Variants in SLC4A3 observed in about 807,000 individuals in gnomAD.
The protein encoded by SLC4A3 is anion exchange protein 3.
SLC4A3 carries 47 observed loss-of-function variants against 114.2 expected under a neutral mutation model. That is an observed-to-expected ratio of 0.41 (90% CI 0.33 to 0.52). SLC4A3 has a LOEUF of 0.52. Among genes scored for constraint, SLC4A3 ranks in the 20% least tolerant of loss-of-function variants. The pLI is 0.21. For missense variants in SLC4A3, 1,312 were observed against 1,668.3 expected (o/e 0.79, Z 3.72); for synonymous variants, 693 against 710.3 (o/e 0.98, Z 0.39).
chr2:219,639,478 G>T lies in SLC4A3; in HGVS notation c.3024-4G>T. The T allele has an allele frequency of 6.2e-7, 1 of 1,611,302 alleles. No individual in the cohort carries two copies. The highest frequency in any genetic ancestry group is 8.5e-7 in the Non-Finnish European group (1 of 1,178,866). The stretch of plus-strand genomic sequence containing the variant: ...ACACCCCGCTCCCCACCTTCTCCCT[G>T]CAGGCTTATCGTCAGCCAGAAGGCG... On this transcript the variant is annotated splice_polypyrimidine_tract_variant and splice_region_variant and intron_variant, in intron 19 of 22. Coordinates refer to ENST00000358055, the MANE Select transcript of SLC4A3 (RefSeq NM_005070.4). This position sits in a 1 kb window ranked among gnomAD's most constrained non-coding sequence, Gnocchi z 5.9.
chr2:219,628,631 A>G lies in SLC4A3; in HGVS notation c.217+61A>G, dbSNP rs1025278799. 2.6e-6 allele frequency: 4 copies of G among 1,547,358 alleles called. No individual in the cohort carries two copies. In the African/African-American group the frequency reaches 4.1e-5, roughly 16 times the overall value. On this transcript the variant is annotated intron_variant, in intron 3 of 22. Transcript: ENST00000358055. The surrounding 1 kb of genome is among the most constrained non-coding windows in gnomAD (Gnocchi z 4.8). ...CGCCACCATCACCTTCATCGCCACC[A>G]TCACCGCGCTCACCTCCGGCTTGGT...
At position 219,635,420 on chromosome 2, in the gene SLC4A3, G is replaced by C; in HGVS notation, c.1896G>C (p.Leu632=). ...CCGTGGCTGCTTTCCAGCGAGAGCT[G>C]CTTAGGAAGCGGCGAGAGCGTGAAC... is the stretch of plus-strand genomic sequence containing the variant. ...LRSVAAFQRE[L]LRKRREREQT... Residue 632 remains leucine (L), a synonymous_variant, in exon 13 of 23, where the codon CTG becomes CTC. Coordinates refer to ENST00000358055, the MANE Select transcript of SLC4A3 (RefSeq NM_005070.4). 6.2e-7 allele frequency: 1 copy of C among 1,614,164 alleles called. No individual in the cohort carries two copies.
intron 20 of SLC4A3, 147 bp from the exon 21 acceptor site, chr2:219,640,283 C>T: frequency 2.2e-6 from 1 of 459,776 alleles, no homozygotes; most frequent in South Asian, 2.4e-5. Context: ...TTGATTGGTC[C>T]AGTGGGTCCA....
intron 10 of SLC4A3, 140 bp from the exon 11 acceptor site, chr2:219,633,740 C>A: frequency 7.6e-7 from 1 of 1,322,790 alleles, no homozygotes; most frequent in Non-Finnish European, 1.0e-6. Flanking sequence ...TGGTGGCTCC[C>A]AGTGTGGGGC....
chr2:219,640,742 AG>A (rs748065352), intron 21 of SLC4A3, 46 bp from the exon 22 acceptor site: 9 of 1,590,296 alleles, frequency 5.7e-6, no homozygotes, highest in Middle Eastern at 2.0e-4. Context: ...GGTGGGTGGG[AG>A]CAGGCCGGGA....
rs543382342 is a variant in SLC4A3, at chr2:219,637,924, G to A, written c.2766+113G>A. The A allele has an allele frequency of 8.4e-5, 72 of 855,466 alleles. 1 individual carries two copies. The African/African-American group carries it at 1.1e-3, about 12-fold the overall frequency. The allele number at this position is 855,466 out of a possible 1,614,324, so 53.0% of individuals were successfully genotyped here. A position where few individuals can be genotyped will look rare whatever the true frequency, so the allele number is the denominator to read the frequency against. On this transcript the variant is annotated intron_variant, in intron 17 of 22. Coordinates refer to ENST00000358055, the MANE Select transcript of SLC4A3 (RefSeq NM_005070.4). The surrounding 1 kb of genome is among the most constrained non-coding windows in gnomAD (Gnocchi z 4.6). ...CAGCCCATGGACCAAAACCCAGCTC[G>A]GGCAGCCCCTCACCCCTTCGGAAGC...
Position 219,640,427 on chromosome 2 carries a change from C to T in SLC4A3, c.3278-3C>T. The T allele has an allele frequency of 3.1e-6, 5 of 1,611,764 alleles. No individual in the cohort carries two copies. The highest frequency in any genetic ancestry group is 4.2e-6 in the Non-Finnish European group (5 of 1,178,576). On this transcript the variant is annotated splice_polypyrimidine_tract_variant and splice_region_variant and intron_variant, in intron 20 of 22. Transcript: ENST00000358055. Reference sequence around the variant, plus strand: ...TCAGGCGGGTCTGTGTCACCTCCTCCAGGCCTGTCCATCGTCATGGGGGCT... The same window carrying T: ...TCAGGCGGGTCTGTGTCACCTCCTCTAGGCCTGTCCATCGTCATGGGGGCT...
At chr2:219,627,836 G>T in intron 1 of SLC4A3, 64 bp from the exon 2 acceptor site, 2 of 586,094 alleles carry the variant, frequency 3.4e-6, no homozygotes, top group South Asian at 2.2e-5. Context: ...GGCCGGGAGC[G>T]TGCATCCGGC....
At position 219,641,681 on chromosome 2, in the gene SLC4A3, G is replaced by A. The variant is rs1699332143; in HGVS notation, c.3652G>A (p.Asp1218Asn). Reference sequence around the variant, plus strand: ...CTCGGAAGATGCTGAACCAAACTTCGATGAGGATGGCCAGGATGAGTACAA... The same window carrying A: ...CTCGGAAGATGCTGAACCAAACTTCAATGAGGATGGCCAGGATGAGTACAA... ...LDSEDAEPNF[D>N]EDGQDEYNEL... Residue 1218 changes from aspartate to asparagine, a missense_variant, in exon 23 of 23, where the codon GAT becomes AAT. Transcript: ENST00000358055. The surrounding 1 kb of genome is among the most constrained non-coding windows in gnomAD (Gnocchi z 4.0). 3.1e-6 allele frequency: 5 copies of A among 1,614,126 alleles called. No homozygotes were observed. The highest frequency in any genetic ancestry group is 4.2e-6 in the Non-Finnish European group (5 of 1,180,008).
At position 219,636,158 on chromosome 2, in the gene SLC4A3, G is replaced by A. The variant is rs1699109993; in HGVS notation, c.2192-144G>A. On this transcript the variant is annotated intron_variant, in intron 14 of 22. Coordinates refer to ENST00000358055, the MANE Select transcript of SLC4A3 (RefSeq NM_005070.4). The surrounding 1 kb of genome is among the most constrained non-coding windows in gnomAD (Gnocchi z 5.5). ...GGGGGCTAGTGGGGAGGGTTTGGGAGCAATGGGGTATGGAAGGGGCCCTGT... is the reference window on the plus strand; with the variant it reads ...GGGGGCTAGTGGGGAGGGTTTGGGAACAATGGGGTATGGAAGGGGCCCTGT... 1 of 944,338 alleles carries A rather than the reference G, an allele frequency of 1.1e-6. No homozygotes were observed. The highest frequency in any genetic ancestry group is 1.6e-6 in the Non-Finnish European group (1 of 614,988). The allele number at this position is 944,338 out of a possible 1,614,324, so 58.5% of individuals were successfully genotyped here. A position where few individuals can be genotyped will look rare whatever the true frequency, so the allele number is the denominator to read the frequency against.
chr2:219,631,869 A>T lies in SLC4A3; in HGVS notation c.812-99A>T. 7.8e-7 allele frequency: 1 copy of T among 1,287,936 alleles called. No homozygotes were observed. Among genetic ancestry groups the T allele is most frequent in the Non-Finnish European group, 1.1e-6 (1 of 927,256 alleles). 79.8% of individuals were successfully genotyped at this position (1,287,936 alleles called of 1,614,324 possible). A position where few individuals can be genotyped will look rare whatever the true frequency, so the allele number is the denominator to read the frequency against. On this transcript the variant is annotated intron_variant, in intron 6 of 22. Transcript: ENST00000358055. The surrounding 1 kb of genome is among the most constrained non-coding windows in gnomAD (Gnocchi z 6.3). The stretch of plus-strand genomic sequence containing the variant: ...GTCGGCATGGCCTGTTGGTGACTGT[A>T]GAGCTCACCAAGTAGATGGGTTGGG...
chr2:219,630,938 A>C lies in SLC4A3; in HGVS notation c.811+586A>C. 6.0e-6 allele frequency: 1 copy of C among 167,210 alleles called. No homozygotes were observed. Among genetic ancestry groups the C allele is most frequent in the Non-Finnish European group, 1.2e-5 (1 of 82,650 alleles). 10.4% of individuals were successfully genotyped at this position (167,210 alleles called of 1,614,324 possible). ...CACAGTGTGTGGGTGGGGTGGGGGG[A>C]AGGGTAGGGCTTTGAGCTCAATACG... On this transcript the variant is annotated intron_variant, in intron 6 of 22. Transcript: ENST00000358055. This position sits in a 1 kb window ranked among gnomAD's most constrained non-coding sequence, Gnocchi z 6.9.
At chr2:219,634,119 A>G (rs1699036990) in intron 11 of SLC4A3, 140 bp downstream of exon 11, 1 of 1,052,494 alleles carries the variant, frequency 9.5e-7, no homozygotes. Flanking sequence ...TCTTCCTCAC[A>G]ACCTGTCTTA....
At position 219,632,082 on chromosome 2, in the gene SLC4A3, A is replaced by G; in HGVS notation, c.926A>G (p.Lys309Arg). 1 of 1,613,770 alleles carries G rather than the reference A, an allele frequency of 6.2e-7. No individual in the cohort carries two copies. The highest frequency in any genetic ancestry group is 8.5e-7 in the Non-Finnish European group (1 of 1,179,952). The change falls in exon 7 of 23, where the codon AAG (lysine) becomes AGG (arginine). Residue 309 changes from lysine (K) to arginine (R), a missense_variant. Physicochemically the swap from Lys to Arg is conservative, Grantham distance 26. Transcript: ENST00000358055. ...SGLAPILRRK[K>R]KKKKLDRRPH... ...CTGGCCCCCATCCTTCGCAGGAAGA[A>G]GAAGAAGAAAAAGCTGGACCGGAGG...
At position 219,636,618 on chromosome 2, in the gene SLC4A3, A is replaced by T; in HGVS notation, c.2341-62A>T. 1 of 1,518,350 alleles carries T rather than the reference A, an allele frequency of 6.6e-7. No homozygotes were observed. 94.1% of individuals were successfully genotyped at this position (1,518,350 alleles called of 1,614,324 possible). A position where few individuals can be genotyped will look rare whatever the true frequency, so the allele number is the denominator to read the frequency against. On this transcript the variant is annotated intron_variant, in intron 15 of 22. Transcript: ENST00000358055. This position sits in a 1 kb window ranked among gnomAD's most constrained non-coding sequence, Gnocchi z 5.5. Reference sequence around the variant, plus strand: ...TCGGAGTTCATCCGCTGCCTATTCCAGGGGGCATTGACACCCAGGGCAGTC... The same window carrying T: ...TCGGAGTTCATCCGCTGCCTATTCCTGGGGGCATTGACACCCAGGGCAGTC...
intron 9 of SLC4A3, 119 bp from the exon 10 acceptor site, chr2:219,633,155 T>C (rs768092941): frequency 3.8e-5 from 52 of 1,384,134 alleles, no homozygotes; most frequent in Admixed American, 8.3e-5. Context: ...TCAATCATTA[T>C]AAAGTTTCTT....
In SLC4A3 at chr2:219,631,275, G is replaced by T. The variant is rs945795759; in HGVS notation, c.812-693G>T. The T allele has an allele frequency of 2.5e-5, 32 of 1,294,324 alleles. No individual in the cohort carries two copies. In the Admixed American group the frequency reaches 2.8e-4, roughly 11 times the overall value. 80.2% of individuals were successfully genotyped at this position (1,294,324 alleles called of 1,614,324 possible). ...ACTGGAGAAGGACCCTGAGCCCAATGGGGCACTGAGCCCTGGGCCTGGGGA... is the reference window on the plus strand; with the variant it reads ...ACTGGAGAAGGACCCTGAGCCCAATTGGGCACTGAGCCCTGGGCCTGGGGA... On this transcript the variant is annotated intron_variant, in intron 6 of 22. Transcript: ENST00000358055. The surrounding 1 kb of genome is among the most constrained non-coding windows in gnomAD (Gnocchi z 6.3).
At position 219,629,242 on chromosome 2, in the gene SLC4A3, A is replaced by G. The variant is rs1229926437; in HGVS notation, c.316A>G (p.Thr106Ala). ...GCTGCCCCCCACCTCTGCCCGGCAC[A>G]CCAGGAGAAAGAGGAAGAAGGAGAA... is the stretch of plus-strand genomic sequence containing the variant. ...RRLPPTSARH[T>A]RRKRKKEKTS... The change falls in exon 4 of 23, where the codon ACC becomes GCC. Residue 106 changes from threonine (T) to alanine (A), a missense_variant. Physicochemically the swap from Thr to Ala is moderately conservative, Grantham distance 58 (BLOSUM62 0). Around this residue, in one of 4 missense-constraint regions of SLC4A3, gnomAD observed 236 missense variants for 212.1 expected, o/e 1.11. Coordinates refer to ENST00000358055, the MANE Select transcript of SLC4A3 (RefSeq NM_005070.4). 2 of 1,613,606 alleles carry G rather than the reference A, an allele frequency of 1.2e-6. No homozygotes were observed. Among genetic ancestry groups the G allele is most frequent in the Admixed American group, 3.3e-5 (2 of 60,008 alleles).
intron 3 of SLC4A3, 127 bp from the exon 4 acceptor site, chr2:219,629,017 T>G: frequency 8.8e-7 from 1 of 1,140,684 alleles, no homozygotes; most frequent in South Asian, 1.7e-5. Context: ...TGTTGGGGGG[T>G]CATGGCCCTG....
Sources: allele counts gnomAD v4.1 joint callset, GRCh38; gene constraint gnomAD v4.1.1; regional missense constraint gnomAD v4.1.1; non-coding constraint Gnocchi (gnomAD v3.1); transcripts MANE v1.5; gene names NCBI Gene and HGNC (gene_info 2026-07-23, HGNC 2026-07-21).